The following MED9 variants were observed in gnomAD, a reference collection of about 807,000 sequenced individuals.
MED9 encodes the protein mediator of RNA polymerase II transcription subunit 9.
MED9 carries 8 observed loss-of-function variants against 13.2 expected under a neutral mutation model. That is an observed-to-expected ratio of 0.61 (90% confidence interval 0.36 to 1.10). MED9 has a LOEUF of 1.10. MED9 is among the 50% of genes least tolerant of loss of function. The probability of loss-of-function intolerance (pLI) is 0.02; values close to 1 mark genes in which losing one functional copy is unlikely to be tolerated. For missense variants in MED9, 180 were observed against 193.4 expected (o/e 0.93, Z 0.41); for synonymous variants, 87 against 82.8 (o/e 1.05, Z -0.28).
chr17:17,477,534 T>C, intron 1 of MED9: 1 of 455,342 alleles, frequency 2.2e-6, no homozygotes, highest in East Asian at 3.7e-5. Flanking sequence ...GGCTCAAATG[T>C]TCATCCCAGC....
Position 17,477,124 on chromosome 17 carries a change from A to G in MED9, c.83A>G (p.Lys28Arg), listed in dbSNP as rs1402755399. The G allele has an allele frequency of 1.2e-6, 2 of 1,607,514 alleles. No homozygotes were observed. Among genetic ancestry groups the G allele is most frequent in the South Asian group, 2.2e-5 (2 of 90,524 alleles). The change falls in exon 1 of 2, where the codon AAG becomes AGG. Residue 28 changes from lysine to arginine, a missense_variant. By Grantham distance (26) the Lys-to-Arg change is conservative. Transcript: ENST00000268711. ...TCCGACCAGCCGCTGCCTGACACCA[A>G]GCCGCTGCCGCCTCCTCAGCCGCCG... ...PTSDQPLPDTKPLPPPQPPPV... is the reference protein window; with the variant it reads ...PTSDQPLPDTRPLPPPQPPPV...
At chr17:17,485,545 G>T (rs1905113031) in intron 1 of MED9, 2 of 390,806 alleles carry the variant, frequency 5.1e-6, no homozygotes, top group Non-Finnish European at 4.5e-6. Context: ...ATGGTGGCTG[G>T]AAGAAGGGGG....
At chr17:17,482,847 G>A (rs1355133768) in intron 1 of MED9, among the ~76,000 whole-genome samples, 1 of 152,150 alleles carries the variant, frequency 6.6e-6, no homozygotes, top group Non-Finnish European at 1.5e-5. Flanking sequence ...TTGAATATTT[G>A]TTATTTTCCC....
intron 1 of MED9, among the ~76,000 whole-genome samples, chr17:17,480,885 G>T (rs1905022756): frequency 1.3e-5 from 2 of 152,152 alleles, no homozygotes; most frequent in African/African-American, 4.8e-5. Context: ...GGAAGGGAGA[G>T]GAGACCTCGT....
rs1905246029 is a variant in MED9 at position 17,492,051 on chromosome 17, C to CT, written c.*561dup. 1 of 158,920 alleles carries CT rather than the reference C, an allele frequency of 6.3e-6. No homozygotes were observed. The highest frequency in any genetic ancestry group is 1.4e-5 in the Non-Finnish European group (1 of 71,618). The allele number at this position is 158,920 out of a possible 1,614,324, so 9.8% of individuals were successfully genotyped here. On this transcript the variant is annotated 3_prime_UTR_variant, in exon 2 of 2. Coordinates refer to ENST00000268711, the MANE Select transcript of MED9 (RefSeq NM_018019.3). ...ATGTTTTGAAAGGCCAGAGGGTGGC[C>CT]TTTTTCCCCAAACAGTTTGGTTCCT...
At chr17:17,480,784 A>G (rs1227203732) in intron 1 of MED9, among the ~76,000 whole-genome samples, 6 of 152,218 alleles carry the variant, frequency 3.9e-5, no homozygotes, top group African/African-American at 9.7e-5. Context: ...AGCTGTAAAC[A>G]TGAGAAGAGG....
rs1905061262 is a variant in MED9, at chr17:17,483,177, C to CT, written c.224+5916dup. ...TCATTGGCCAGGTCGTTGAGCCTCG[C>CT]TTTTGAGTATTATAATCAGCATTTA... On this transcript the variant is annotated intron_variant, in intron 1 of 1. Coordinates refer to ENST00000268711, the MANE Select transcript of MED9 (RefSeq NM_018019.3). The surrounding 1 kb of genome is among the most constrained non-coding windows in gnomAD (Gnocchi z 4.2). Among the ~76,000 whole-genome samples the CT allele has an allele frequency of 6.6e-6, 1 of 152,164 alleles. No individual in the cohort carries two copies. Among genetic ancestry groups the CT allele is most frequent in the African/African-American group, 2.4e-5 (1 of 41,424 alleles).
chr17:17,491,161 TA>T, intron 1 of MED9, 117 bp from the exon 2 acceptor site: 1 of 992,994 alleles, frequency 1.0e-6, no homozygotes, highest in Non-Finnish European at 1.5e-6. Flanking sequence ...GATAGACACA[TA>T]AAACGAAGTG....
chr17:17,485,065 G>T, intron 1 of MED9: 1 of 274,256 alleles, frequency 3.6e-6, no homozygotes, highest in Non-Finnish European at 6.7e-6. Flanking sequence ...GAGTACAGTG[G>T]CGTGTCTTGG....
intron 1 of MED9, among the ~76,000 whole-genome samples, chr17:17,484,544 G>A (rs1026951091): frequency 2.6e-5 from 4 of 152,264 alleles, no homozygotes; most frequent in East Asian, 1.9e-4. Context: ...TGCAGGAAGC[G>A]GCCCCCGCTA....
chr17:17,477,146 GCC>G lies in MED9; in HGVS notation c.106_107del (p.Pro36AlafsTer94). On this transcript the variant is annotated frameshift_variant, in exon 1 of 2. Coordinates refer to ENST00000268711, the MANE Select transcript of MED9 (RefSeq NM_018019.3). LOFTEE classifies it high-confidence loss of function. The part of the protein sequence containing the change: ...DTKPLPPPQP[P>X]PVPAPQPQQS... ...CCAAGCCGCTGCCGCCTCCTCAGCC[GCC>G]GCCGGTCCCTGCGCCTCAACCGCAG... is the stretch of plus-strand genomic sequence containing the variant. 6.2e-7 allele frequency: 1 copy of G among 1,607,740 alleles called. No homozygotes were observed. The highest frequency in any genetic ancestry group is 1.7e-5 in the Admixed American group (1 of 59,668).
chr17:17,490,421 G>A (rs1597852781), intron 1 of MED9, among the ~76,000 whole-genome samples: 4 of 152,328 alleles, frequency 2.6e-5, no homozygotes, highest in Admixed American at 6.5e-5. Flanking sequence ...CAGTCTGGGC[G>A]ACAGAGTGAG....
At chr17:17,490,796 A>G (rs1368959122) in intron 1 of MED9, among the ~76,000 whole-genome samples, 1 of 152,236 alleles carries the variant, frequency 6.6e-6, no homozygotes, top group African/African-American at 2.4e-5. Context: ...TGGCCTAGAA[A>G]TGGCTCCAGT....
chr17:17,477,179 G>A lies in MED9; in HGVS notation c.138G>A (p.Ser46=). Residue 46 remains serine, a synonymous_variant, in exon 1 of 2, where the codon TCG becomes TCA. Transcript: ENST00000268711. The part of the protein sequence containing the change: ...PPVPAPQPQQ[S]PAPRPQSPAR... ...TCCCTGCGCCTCAACCGCAGCAGTC[G>A]CCGGCGCCACGGCCTCAGTCACCTG... 1 of 1,610,174 alleles carries A rather than the reference G, an allele frequency of 6.2e-7. No homozygotes were observed. The highest frequency in any genetic ancestry group is 8.5e-7 in the Non-Finnish European group (1 of 1,178,178).
chr17:17,489,587 G>T (rs1905194832), intron 1 of MED9, among the ~76,000 whole-genome samples: 1 of 152,230 alleles, frequency 6.6e-6, no homozygotes, highest in Admixed American at 6.5e-5. Context: ...CAGAAGTGCA[G>T]ATGGTTTCTG....
intron 1 of MED9, among the ~76,000 whole-genome samples, chr17:17,479,551 A>G (rs952487083): frequency 1.3e-4 from 19 of 151,826 alleles, no homozygotes; most frequent in Admixed American, 9.2e-4. Flanking sequence ...ACCTTCAGAC[A>G]TGGTGGTTCA....
At chr17:17,480,265 C>G (rs80168244) in intron 1 of MED9, among the ~76,000 whole-genome samples, 139 of 152,190 alleles carry the variant, frequency 9.1e-4, no homozygotes, top group African/African-American at 3.2e-3. Context: ...AGCCTTCCCC[C>G]ACCTGGCTTC....
chr17:17,487,226 ACTCGG>A (rs1905149600), intron 1 of MED9: 1 of 152,276 alleles, frequency 6.6e-6, no homozygotes, highest in Non-Finnish European at 1.5e-5. Flanking sequence ...AAAACAGGCC[ACTCGG>A]CTCTACCAAT....
At chr17:17,488,089 A>C (rs1459084197) in intron 1 of MED9, 1 of 152,238 alleles carries the variant, frequency 6.6e-6, no homozygotes, top group Admixed American at 6.5e-5. Context: ...ATTTTTTAAA[A>C]AAGTGATCTT....
Sources: gnomAD v4.1 joint callset for allele counts (sites outside exome capture counted in the v4.1 genomes callset) on GRCh38, gnomAD v4.1.1 for gene constraint, Gnocchi (gnomAD v3.1) non-coding constraint, MANE v1.5 for transcripts, NCBI Gene and HGNC (gene_info 2026-07-23, HGNC 2026-07-21) for gene names.